DEPDC1B: variants seen among roughly 807,000 people sequenced by gnomAD.
DEPDC1B encodes DEP domain-containing protein 1B.
Under a neutral mutation model 66.5 loss-of-function variants are expected in DEPDC1B, and 51 were observed. The observed-to-expected ratio is 0.77, with a 90% CI of 0.61 to 0.97. The LOEUF is 0.97. DEPDC1B is among the 50% of genes least tolerant of loss of function. The pLI is 0.00. For missense variants in DEPDC1B, 552 were observed against 637.1 expected (o/e 0.87, Z 1.44); for synonymous variants, 226 against 223.6 (o/e 1.01, Z -0.10).
intron 2 of DEPDC1B, among the ~76,000 whole-genome samples, chr5:60,681,481 A>C (rs73759381): frequency 0.019 from 2,859 of 152,306 alleles, 110 homozygotes; most frequent in African/African-American, 0.066. Flanking sequence ...AGCCAACACT[A>C]TAGATAGATC....
chr5:60,669,593 A>G (rs558090891), intron 2 of DEPDC1B, among the ~76,000 whole-genome samples: 1 of 152,334 alleles, frequency 6.6e-6, no homozygotes, highest in South Asian at 2.1e-4. Context: ...TATCACCTAA[A>G]TGCTGAAAAA....
chr5:60,664,753 A>T (rs1753800309), intron 2 of DEPDC1B, among the ~76,000 whole-genome samples: 1 of 152,220 alleles, frequency 6.6e-6, no homozygotes, highest in Non-Finnish European at 1.5e-5. Flanking sequence ...CTCAGGTGGC[A>T]GAACTAATAG....
chr5:60,631,625 C>T (rs1162460438), intron 7 of DEPDC1B, among the ~76,000 whole-genome samples: 1 of 152,188 alleles, frequency 6.6e-6, no homozygotes, highest in Non-Finnish European at 1.5e-5. Flanking sequence ...ATTTCTCATC[C>T]TGATAAGTCT....
At chr5:60,640,041 G>C (rs1753151508) in intron 6 of DEPDC1B, among the ~76,000 whole-genome samples, 1 of 152,224 alleles carries the variant, frequency 6.6e-6, no homozygotes, top group South Asian at 2.1e-4. Flanking sequence ...AGGTCACTGT[G>C]ACATGATCAA....
chr5:60,630,184 G>A (rs907624393), intron 7 of DEPDC1B, among the ~76,000 whole-genome samples: 2 of 152,144 alleles, frequency 1.3e-5, no homozygotes, highest in Non-Finnish European at 2.9e-5. Context: ...TCTCAAAATG[G>A]TTTATTAGAC....
At chr5:60,667,201 G>T (rs1753861535) in intron 2 of DEPDC1B, among the ~76,000 whole-genome samples, 1 of 151,868 alleles carries the variant, frequency 6.6e-6, no homozygotes, top group South Asian at 2.1e-4. Flanking sequence ...TTTAAGAAAG[G>T]TATTAAGACC....
intron 2 of DEPDC1B, among the ~76,000 whole-genome samples, chr5:60,654,051 T>C (rs1584068741): frequency 2.7e-5 from 4 of 149,474 alleles, no homozygotes; most frequent in Admixed American, 2.6e-4. Context: ...TACTTCCAGA[T>C]TTGTTCTTTT....
chr5:60,606,516 T>C (rs998491926), intron 7 of DEPDC1B, among the ~76,000 whole-genome samples: 2 of 142,392 alleles, frequency 1.4e-5, no homozygotes, highest in African/African-American at 5.4e-5. Flanking sequence ...CTCACGCCTG[T>C]AATCTCAGCA....
chr5:60,597,992 G>T (rs1752131270), intron 10 of DEPDC1B, 78 bp from the exon 11 acceptor site: 1 of 1,267,710 alleles, frequency 7.9e-7, no homozygotes. Context: ...AATTTTAAGA[G>T]TTTCTGAGCC....
intron 7 of DEPDC1B, among the ~76,000 whole-genome samples, chr5:60,618,806 G>C (rs932426259): frequency 7.9e-5 from 12 of 152,158 alleles, no homozygotes; most frequent in Non-Finnish European, 2.9e-5. Context: ...GCATCATCCT[G>C]ATACCAAAGC....
chr5:60,610,568 T>C (rs56166952), intron 7 of DEPDC1B, among the ~76,000 whole-genome samples: 52,235 of 152,120 alleles, frequency 0.34, 10,571 homozygotes, highest in East Asian at 0.57. Context: ...AAGCATATTA[T>C]TGAATAATAA....
At chr5:60,681,341 G>A (rs1754291370) in intron 2 of DEPDC1B, among the ~76,000 whole-genome samples, 1 of 152,088 alleles carries the variant, frequency 6.6e-6, no homozygotes, top group Non-Finnish European at 1.5e-5. Flanking sequence ...GAAAAGCCTT[G>A]CCACAGCCTC....
rs772734556 is a variant in DEPDC1B, at chr5:60,610,787, CA to C, written c.899-4932del. On this transcript the variant is annotated intron_variant, in intron 7 of 10. Transcript: ENST00000265036. ...TTCAGGCTTGCATTATTATTACATA[CA>C]AAAAGATATGTCTCATTCCCTGGTG... 3.5e-4 allele frequency among the ~76,000 whole-genome samples: 53 copies of C among 152,290 alleles called. 1 individual carries two copies. Among genetic ancestry groups the C allele is most frequent in the Non-Finnish European group, 7.4e-4 (50 of 67,990 alleles).
At chr5:60,603,928 T>C (rs1477470498) in intron 8 of DEPDC1B, among the ~76,000 whole-genome samples, 1 of 151,674 alleles carries the variant, frequency 6.6e-6, no homozygotes, top group Non-Finnish European at 1.5e-5. Context: ...GTAGCACTAC[T>C]AAGTTCAAAG....
chr5:60,678,973 T>C (rs1328949500), intron 2 of DEPDC1B, among the ~76,000 whole-genome samples: 4 of 152,222 alleles, frequency 2.6e-5, no homozygotes, highest in Non-Finnish European at 4.4e-5. Flanking sequence ...CTTTGCCTAA[T>C]ACCAAAACAA....
At chr5:60,602,613 A>G (rs1042775970) in intron 9 of DEPDC1B, among the ~76,000 whole-genome samples, 2 of 152,046 alleles carry the variant, frequency 1.3e-5, no homozygotes, top group Admixed American at 1.3e-4. Flanking sequence ...CACGATAATA[A>G]TATATTATAT....
chr5:60,632,503 C>G (rs749103435), intron 7 of DEPDC1B, among the ~76,000 whole-genome samples: 1 of 152,246 alleles, frequency 6.6e-6, no homozygotes, highest in Non-Finnish European at 1.5e-5. Flanking sequence ...AGCGGCCACA[C>G]GGAACTTTGC....
At position 60,599,107 on chromosome 5, in the gene DEPDC1B, A is replaced by G. The variant is rs1330721545; in HGVS notation, c.1396T>C (p.Ser466Pro). ...AGTTTCTTCTTTTTCTCTTTGTTGGAGAGTTTGGCATCTGTTATGACTTCC... is the reference window on the plus strand; with the variant it reads ...AGTTTCTTCTTTTTCTCTTTGTTGGGGAGTTTGGCATCTGTTATGACTTCC... The part of the protein sequence containing the change: ...LEEVITDAKL[S>P]NKEKKKKLKQ... Residue 466 changes from serine to proline, a missense_variant, in exon 10 of 11, where the codon TCC becomes CCC. Transcript: ENST00000265036. 3 of 1,603,572 alleles carry G rather than the reference A, an allele frequency of 1.9e-6. No homozygotes were observed. The highest frequency in any genetic ancestry group is 2.5e-6 in the Non-Finnish European group (3 of 1,176,670).
chr5:60,606,609 CAAAAAAAAAAAAAAAAA>C (rs60544270), intron 7 of DEPDC1B, among the ~76,000 whole-genome samples: 12 of 46,626 alleles, frequency 2.6e-4, no homozygotes, highest in Non-Finnish European at 3.6e-4. Context: ...CCCATTTCTA[CAAAAAAAAAAAAAAAAA>C]AAAAAAAAAA....
Sources: allele counts gnomAD v4.1 joint callset (sites outside exome capture counted in the v4.1 genomes callset), GRCh38; gene constraint gnomAD v4.1.1; transcripts MANE v1.5; gene names NCBI Gene and HGNC (gene_info 2026-07-23, HGNC 2026-07-21).